Variants in MYO6 observed in about 807,000 individuals in gnomAD.
MYO6 encodes myosin VI.
A neutral mutation model predicts 178.7 loss-of-function variants in MYO6; 74 were observed. The ratio of observed to expected loss-of-function variants is 0.41; its 90% CI spans 0.34 to 0.50. The LOEUF is 0.50. MYO6 is among the 20% of genes least tolerant of loss of function. The pLI is 0.09. For synonymous variants in MYO6, 477 were observed against 504.6 expected, an observed-to-expected ratio of 0.95 and a Z score of 0.73; for missense variants, 1,330 against 1,547.4, an observed-to-expected ratio of 0.86 and a Z score of 2.36.
chr6:75,822,848 A>T lies in MYO6; in HGVS notation c.184A>T (p.Asn62Tyr). The change falls in exon 3 of 35, where the codon AAC (asparagine) becomes TAC (tyrosine). Residue 62 changes from asparagine to tyrosine, a missense_variant. Around this residue, in one of 3 missense-constraint regions of MYO6, gnomAD observed 116 missense variants for 104.6 expected, o/e 1.11. Transcript: ENST00000369977. ...GGACAGTAAAAAAGATGTGGAAGAT[A>T]ACTGTAAGTACCAAGTTAAAAATTA... ...EEDSKKDVED[N>Y]CSLMYLNEAT... 2 of 1,611,940 alleles carry T rather than the reference A, an allele frequency of 1.2e-6. No individual in the cohort carries two copies. Among genetic ancestry groups the T allele is most frequent in the Non-Finnish European group, 1.7e-6 (2 of 1,178,250 alleles).
At chr6:75,752,200 C>G (rs571005853) in intron 1 of MYO6, among the ~76,000 whole-genome samples, 1 of 152,234 alleles carries the variant, frequency 6.6e-6, no homozygotes, top group East Asian at 1.9e-4. Context: ...CCATGTTGGC[C>G]AGGCTGGTCT....
chr6:75,754,391 G>T (rs1158598873), intron 1 of MYO6, among the ~76,000 whole-genome samples: 3 of 151,490 alleles, frequency 2.0e-5, no homozygotes, highest in Non-Finnish European at 2.9e-5. Context: ...GTGGTGGTGG[G>T]TGCCTGTAAT....
intron 14 of MYO6, among the ~76,000 whole-genome samples, chr6:75,859,696 C>G (rs1432276845): frequency 1.7e-5 from 2 of 120,520 alleles, no homozygotes; most frequent in East Asian, 2.6e-4. Flanking sequence ...GAGACGAAGT[C>G]TTGCTCAGGC....
chr6:75,856,787 G>GGAAA (rs1176708255), intron 12 of MYO6, among the ~76,000 whole-genome samples: 4 of 152,032 alleles, frequency 2.6e-5, no homozygotes, highest in African/African-American at 9.7e-5. Context: ...TTGCATTTAA[G>GGAAA]GAAAACCAAA....
rs571121355 is a variant in MYO6 at position 75,873,100 on chromosome 6, G to T, written c.1984-107G>T. The T allele has an allele frequency of 4.4e-3, 3,888 of 877,188 alleles. 19 individuals are homozygous for T. The highest frequency in any genetic ancestry group is 0.02 in the Middle Eastern group (88 of 4,436). The allele number at this position is 877,188 out of a possible 1,614,324, so 54.3% of individuals were successfully genotyped here. A position where few individuals can be genotyped will look rare whatever the true frequency, so the allele number is the denominator to read the frequency against. On this transcript the variant is annotated intron_variant, in intron 19 of 34. Coordinates refer to ENST00000369977, the MANE Select transcript of MYO6 (RefSeq NM_004999.4). ...GAGTTCTTTAGTAATTACTTTTACA[G>T]GTTCATATGTTAATGTTAATATGCT...
chr6:75,830,690 G>T, intron 5 of MYO6, 145 bp downstream of exon 5: 1 of 788,064 alleles, frequency 1.3e-6, no homozygotes, highest in Admixed American at 2.5e-5. Context: ...TATCAACATT[G>T]TTAGGAGCAA....
At chr6:75,896,394 G>A (rs1027883602) in intron 29 of MYO6, among the ~76,000 whole-genome samples, 2 of 152,220 alleles carry the variant, frequency 1.3e-5, no homozygotes, top group African/African-American at 4.8e-5. Context: ...GAATCACCAC[G>A]AATGCTGTAT....
chr6:75,884,270 A>G (rs1562283120), intron 23 of MYO6, among the ~76,000 whole-genome samples: 1 of 152,206 alleles, frequency 6.6e-6, no homozygotes. Context: ...TTGCTGTAGG[A>G]TTCTCAGAGG....
Position 75,916,784 on chromosome 6 carries a change from C to T in MYO6, c.*1772C>T, listed in dbSNP as rs1488827428. ...TGTATCTTTTAGATACATTAATAGG[C>T]ACTAGATGGAAAATTAAAGAGTTAA... On this transcript the variant is annotated 3_prime_UTR_variant, in exon 35 of 35. Coordinates refer to ENST00000369977, the MANE Select transcript of MYO6 (RefSeq NM_004999.4). The T allele has an allele frequency of 2.0e-5, 3 of 151,912 alleles. No individual in the cohort carries two copies. The highest frequency in any genetic ancestry group is 2.9e-5 in the Non-Finnish European group (2 of 68,002). The allele number at this position is 151,912 out of a possible 1,614,324, so 9.4% of individuals were successfully genotyped here. A position where few individuals can be genotyped will look rare whatever the true frequency, so the allele number is the denominator to read the frequency against.
chr6:75,816,860 G>A (rs73751023), intron 1 of MYO6, among the ~76,000 whole-genome samples: 261 of 152,196 alleles, frequency 1.7e-3, no homozygotes, highest in African/African-American at 6.1e-3. Flanking sequence ...AAGGAGTGCT[G>A]GTATAAATTA....
chr6:75,799,712 G>C (rs1283620287), intron 1 of MYO6, among the ~76,000 whole-genome samples: 1 of 152,080 alleles, frequency 6.6e-6, no homozygotes, highest in Non-Finnish European at 1.5e-5. Context: ...GATGGCTCTT[G>C]TTTCTTGATT....
intron 1 of MYO6, among the ~76,000 whole-genome samples, chr6:75,774,682 A>G (rs745393632): frequency 2.6e-5 from 4 of 152,164 alleles, no homozygotes; most frequent in Non-Finnish European, 5.9e-5. Context: ...CTTAAAGAGG[A>G]AAATCAAGGA....
At chr6:75,866,689 C>G in intron 17 of MYO6, 68 bp downstream of exon 17, 1 of 1,334,676 alleles carries the variant, frequency 7.5e-7, no homozygotes, top group South Asian at 1.2e-5. Flanking sequence ...ATGATAGCTT[C>G]TAGTCACGTG....
chr6:75,910,567 A>G (rs1266368182), intron 32 of MYO6, among the ~76,000 whole-genome samples: 4 of 152,188 alleles, frequency 2.6e-5, no homozygotes, highest in Non-Finnish European at 4.4e-5. Context: ...ATCAAGGTTT[A>G]TGGACAAATT....
At chr6:75,806,113 A>G (rs1342289559) in intron 1 of MYO6, among the ~76,000 whole-genome samples, 1 of 152,214 alleles carries the variant, frequency 6.6e-6, no homozygotes, top group Non-Finnish European at 1.5e-5. Flanking sequence ...TCCAAAAACA[A>G]TTAAATGAAG....
intron 1 of MYO6, among the ~76,000 whole-genome samples, chr6:75,808,198 G>A (rs147466464): frequency 2.0e-5 from 3 of 152,290 alleles, no homozygotes; most frequent in African/African-American, 7.2e-5. Flanking sequence ...TACCACAAAC[G>A]TTTGTATTCT....
chr6:75,860,889 GA>G (rs1489298826), intron 14 of MYO6, 133 bp from the exon 15 acceptor site: 1 of 711,008 alleles, frequency 1.4e-6, no homozygotes, highest in African/African-American at 1.8e-5. Context: ...TATGTTTTTG[GA>G]AAACCATTTA....
chr6:75,838,672 T>G (rs1773894582), intron 7 of MYO6, among the ~76,000 whole-genome samples: 2 of 151,452 alleles, frequency 1.3e-5, no homozygotes, highest in African/African-American at 4.9e-5. Context: ...TTCTTCTTGT[T>G]TTTTTTTGAG....
intron 33 of MYO6, among the ~76,000 whole-genome samples, chr6:75,913,267 A>G (rs956843845): frequency 6.6e-6 from 1 of 152,206 alleles, no homozygotes; most frequent in African/African-American, 2.4e-5. Flanking sequence ...ATTGTTAAGT[A>G]ATGAAAATTG....
Sources: gnomAD v4.1 joint callset for allele counts (sites outside exome capture counted in the v4.1 genomes callset) on GRCh38, gnomAD v4.1.1 for gene constraint, gnomAD v4.1.1 regional missense constraint, MANE v1.5 for transcripts, NCBI Gene and HGNC (gene_info 2026-07-23, HGNC 2026-07-21) for gene names.